STOX2: variants seen among roughly 807,000 people sequenced by gnomAD.
STOX2 encodes storkhead box 2.
Under a neutral mutation model 60.9 loss-of-function variants are expected in STOX2, and 28 were observed. The ratio of observed to expected loss-of-function variants is 0.46; its 90% CI spans 0.34 to 0.63. The LOEUF is 0.63. Among genes scored for constraint, STOX2 ranks in the 30% least tolerant of loss-of-function variants. The pLI is 0.01. For synonymous variants in STOX2, 472 were observed against 463.9 expected (o/e 1.02, Z -0.22); for missense variants, 1,024 against 1,187.7 (o/e 0.86, Z 2.03).
chr4:183,951,175 A>G (rs112300826), intron 1 of STOX2, among the ~76,000 whole-genome samples: 9,822 of 149,738 alleles, frequency 0.066, 673 homozygotes, highest in African/African-American at 0.14. Flanking sequence ...AGATCGCGCC[A>G]CTGCACTCCA....
At chr4:184,005,474 A>AAAAAGC (rs58443213) in intron 2 of STOX2, among the ~76,000 whole-genome samples, 1 of 120,072 alleles carries the variant, frequency 8.3e-6, no homozygotes, top group Non-Finnish European at 1.7e-5. Context: ...AAAAAAAAAA[A>AAAAAGC]AATTCATAGG....
In STOX2 at chr4:183,820,674, T is replaced by A. The variant is rs543684845; in HGVS notation, c.364+22619T>A. ...TTAGGCTATGTATCTTGCAAAGGAC[T>A]GAAATTGTCATACTTAGTTTCAAAG... is the stretch of plus-strand genomic sequence containing the variant. On this transcript the variant is annotated intron_variant, in intron 1 of 2. Transcript: ENST00000513034. Among the ~76,000 whole-genome samples, 3 of 152,338 alleles carry A rather than the reference T, an allele frequency of 2.0e-5. No homozygotes were observed. The South Asian group carries it at 6.2e-4, about 32-fold the overall frequency.
Position 184,017,102 on chromosome 4 carries a change from C to T in STOX2, c.2599C>T (p.Leu867=). 1 of 1,610,006 alleles carries T rather than the reference C, an allele frequency of 6.2e-7. No homozygotes were observed. Among genetic ancestry groups the T allele is most frequent in the Non-Finnish European group, 8.5e-7 (1 of 1,178,410 alleles). The part of the protein sequence containing the change: ...GFNSPRTRES[L]ASNTSSIVES... ...TTGCTCTTTTAGTACTCGGGAGAGC[C>T]TGGCTTCCAACACATCAAGCATTGT... is the stretch of plus-strand genomic sequence containing the variant. Residue 867 remains leucine, a synonymous_variant, in exon 4 of 4, where the codon CTG becomes TTG. Transcript: ENST00000308497.
intron 1 of STOX2, among the ~76,000 whole-genome samples, chr4:183,985,421 C>G (rs887324884): frequency 1.3e-5 from 2 of 152,172 alleles, no homozygotes. Context: ...CGAGAGCCAG[C>G]TGCCTTGGGT....
At chr4:183,824,004 G>A (rs574709958) in intron 1 of STOX2, among the ~76,000 whole-genome samples, 51 of 152,294 alleles carry the variant, frequency 3.3e-4, no homozygotes, top group African/African-American at 6.7e-4. Flanking sequence ...GCCATGTATC[G>A]TAAAATCGGC....
rs373110875 is a variant in STOX2 at position 183,825,593 on chromosome 4, G to A, written c.364+27538G>A. 7.2e-5 allele frequency among the ~76,000 whole-genome samples: 11 copies of A among 152,154 alleles called. No individual in the cohort carries two copies. The highest frequency in any genetic ancestry group is 2.1e-4 in the South Asian group (1 of 4,828). ...TCTGTCCTGCCAACGTGGGTGCAGC[G>A]CCCGACCCCTCCCTGCCCGTCCTCT... On this transcript the variant is annotated intron_variant, in intron 1 of 2. Transcript: ENST00000513034. The surrounding 1 kb of genome is among the most constrained non-coding windows in gnomAD (Gnocchi z 4.1).
chr4:183,927,641 A>G (rs1393297845), intron 1 of STOX2, among the ~76,000 whole-genome samples: 1 of 152,096 alleles, frequency 6.6e-6, no homozygotes, highest in Non-Finnish European at 1.5e-5. Flanking sequence ...TTCAGTGCAC[A>G]TATTACTGAG....
intron 1 of STOX2, among the ~76,000 whole-genome samples, chr4:183,970,185 G>T (rs1357332769): frequency 1.3e-5 from 1 of 75,066 alleles, no homozygotes; most frequent in African/African-American, 5.3e-5. Flanking sequence ...TGTGTGTGGG[G>T]TTCCAGCTGA....
intron 1 of STOX2, among the ~76,000 whole-genome samples, chr4:183,857,488 C>T (rs1162840217): frequency 1.3e-5 from 2 of 152,258 alleles, no homozygotes; most frequent in Admixed American, 6.5e-5. Flanking sequence ...GGATTCCCAG[C>T]CTTCCACATA....
intron 1 of STOX2, among the ~76,000 whole-genome samples, chr4:183,945,042 C>T (rs1468330331): frequency 6.6e-6 from 1 of 152,108 alleles, no homozygotes; most frequent in African/African-American, 2.4e-5. Context: ...TTTAAATGTC[C>T]TGGGAGAATT....
intron 1 of STOX2, among the ~76,000 whole-genome samples, chr4:183,888,120 C>T (rs955799664): frequency 1.3e-5 from 2 of 152,074 alleles, no homozygotes; most frequent in African/African-American, 4.8e-5. Flanking sequence ...ATCTTTCTAC[C>T]CTACCGGGAG....
chr4:183,950,851 G>A (rs960750260), intron 1 of STOX2, among the ~76,000 whole-genome samples: 1 of 152,160 alleles, frequency 6.6e-6, no homozygotes, highest in Non-Finnish European at 1.5e-5. Context: ...GATGGAGTTA[G>A]GGATGTTCAC....
At chr4:183,822,325 A>G (rs1329641639) in intron 1 of STOX2, among the ~76,000 whole-genome samples, 2 of 152,214 alleles carry the variant, frequency 1.3e-5, no homozygotes, top group African/African-American at 2.4e-5. Context: ...TGTAAAGGAC[A>G]GTTTTTCCAC....
chr4:183,807,638 T>C (rs1287307697), intron 1 of STOX2, among the ~76,000 whole-genome samples: 4 of 152,198 alleles, frequency 2.6e-5, no homozygotes, highest in Non-Finnish European at 5.9e-5. Flanking sequence ...CCAGCTCAGC[T>C]TCTTAATCCT....
intron 1 of STOX2, among the ~76,000 whole-genome samples, chr4:183,878,061 G>A (rs956033154): frequency 3.0e-4 from 46 of 152,146 alleles, no homozygotes; most frequent in African/African-American, 1.1e-3. Flanking sequence ...ATTATCACTT[G>A]AAGTTTTTAG....
intron 1 of STOX2, among the ~76,000 whole-genome samples, chr4:183,803,681 G>A (rs1738818371): frequency 6.6e-6 from 1 of 152,148 alleles, no homozygotes; most frequent in South Asian, 2.1e-4. Context: ...TAAAGAAATG[G>A]TCTGGGCGTA....
At chr4:183,815,341 G>A (rs1054242508) in intron 1 of STOX2, among the ~76,000 whole-genome samples, 18 of 152,222 alleles carry the variant, frequency 1.2e-4, no homozygotes, top group African/African-American at 4.3e-4. Context: ...AAATGGAATT[G>A]TAGTCAAAAG....
intron 2 of STOX2, among the ~76,000 whole-genome samples, chr4:184,003,703 A>G (rs1353659705): frequency 2.6e-5 from 4 of 152,232 alleles, no homozygotes; most frequent in Non-Finnish European, 5.9e-5. Context: ...ATAGTGGCAG[A>G]GTTGAGTAGT....
intron 1 of STOX2, among the ~76,000 whole-genome samples, chr4:183,961,565 T>C (rs988131033): frequency 6.6e-6 from 1 of 152,224 alleles, no homozygotes; most frequent in South Asian, 2.1e-4. Flanking sequence ...TATATATTCA[T>C]TTTTTAATGT....
Sources: allele counts gnomAD v4.1 joint callset (sites outside exome capture counted in the v4.1 genomes callset), GRCh38; gene constraint gnomAD v4.1.1; non-coding constraint Gnocchi (gnomAD v3.1); transcripts MANE v1.5; gene names NCBI Gene and HGNC (gene_info 2026-07-23, HGNC 2026-07-21).